Variants in CYTH3 observed in about 807,000 individuals in gnomAD.
CYTH3 encodes the protein cytohesin-3.
CYTH3 carries 23 observed loss-of-function variants against 55.1 expected under a neutral mutation model. That is an observed-to-expected ratio of 0.42 (90% CI 0.30 to 0.59). The LOEUF is 0.59. Among genes scored for constraint, CYTH3 ranks in the 20% least tolerant of loss-of-function variants. CYTH3 has a pLI of 0.20. For missense variants in CYTH3, 413 were observed against 524.8 expected (o/e 0.79, Z 2.08); for synonymous variants, 249 against 194.9 (o/e 1.28, Z -2.31).
intron 1 of CYTH3, among the ~76,000 whole-genome samples, chr7:6,216,517 T>C (rs1031157820): frequency 6.6e-6 from 1 of 151,942 alleles, no homozygotes; most frequent in South Asian, 2.1e-4. Flanking sequence ...GGTGGGTGGA[T>C]TACCTGAGCT....
intron 1 of CYTH3, among the ~76,000 whole-genome samples, chr7:6,205,820 G>A (rs1455371939): frequency 1.5e-5 from 2 of 132,072 alleles, no homozygotes; most frequent in East Asian, 5.1e-4. Context: ...GCTGCAGTGA[G>A]CTATGATCGG....
chr7:6,259,785 A>ATATATAT (rs1780268295), intron 1 of CYTH3, among the ~76,000 whole-genome samples: 1 of 14,454 alleles, frequency 6.9e-5, no homozygotes, highest in Non-Finnish European at 9.1e-5. Context: ...TATATATATA[A>ATATATAT]TATATATATA....
At chr7:6,271,255 C>A (rs901616782) in intron 1 of CYTH3, among the ~76,000 whole-genome samples, 1 of 152,192 alleles carries the variant, frequency 6.6e-6, no homozygotes, top group Non-Finnish European at 1.5e-5. Context: ...TTCCCACCAT[C>A]CTGGCTGCAT....
intron 1 of CYTH3, among the ~76,000 whole-genome samples, chr7:6,250,239 G>C (rs116826442): frequency 6.6e-6 from 1 of 152,140 alleles, no homozygotes; most frequent in Non-Finnish European, 1.5e-5. Context: ...CAGACAACAT[G>C]ATTCTACTCC....
chr7:6,195,323 CTT>C (rs1783898491), intron 1 of CYTH3, among the ~76,000 whole-genome samples: 1 of 152,104 alleles, frequency 6.6e-6, no homozygotes, highest in African/African-American at 2.4e-5. Context: ...TCTTAGTAAA[CTT>C]TTGTCTCAAA....
chr7:6,228,996 G>A (rs2128553152), intron 1 of CYTH3, among the ~76,000 whole-genome samples: 1 of 152,248 alleles, frequency 6.6e-6, no homozygotes, highest in East Asian at 1.9e-4. Context: ...ATACGAACAG[G>A]ATACAGAAAG....
chr7:6,176,956 G>T (rs1783367570), intron 5 of CYTH3, among the ~76,000 whole-genome samples: 1 of 152,234 alleles, frequency 6.6e-6, no homozygotes, highest in Non-Finnish European at 1.5e-5. Flanking sequence ...TGCTTTTCCT[G>T]TATTTGTTGA....
At chr7:6,173,606 T>C in intron 6 of CYTH3, 47 bp downstream of exon 6, 1 of 1,284,974 alleles carries the variant, frequency 7.8e-7, no homozygotes. Context: ...GCAGTGGTCC[T>C]CTGGCCTTCC....
intron 2 of CYTH3, among the ~76,000 whole-genome samples, chr7:6,189,839 A>C (rs1460115338): frequency 1.3e-5 from 2 of 152,066 alleles, no homozygotes; most frequent in East Asian, 1.9e-4. Context: ...GATCAAGACC[A>C]ATCTGCCTAA....
At chr7:6,203,997 G>A (rs1053026302) in intron 1 of CYTH3, among the ~76,000 whole-genome samples, 17 of 151,254 alleles carry the variant, frequency 1.1e-4, no homozygotes, top group African/African-American at 3.4e-4. Flanking sequence ...GATTACAGGC[G>A]TTAGCCACCG....
intron 1 of CYTH3, among the ~76,000 whole-genome samples, chr7:6,266,091 C>T (rs748285020): frequency 1.3e-5 from 2 of 152,162 alleles, no homozygotes; most frequent in Non-Finnish European, 2.9e-5. Flanking sequence ...ATATTTCCCA[C>T]TACCACCCTA....
At chr7:6,259,744 A>ATATATATATAT (rs1562417152) in intron 1 of CYTH3, among the ~76,000 whole-genome samples, 2 of 17,948 alleles carry the variant, frequency 1.1e-4, no homozygotes, top group African/African-American at 5.2e-4. Flanking sequence ...CATATATATA[A>ATATATATATAT]TATATATATA....
At chr7:6,201,313 G>A (rs534145871) in intron 1 of CYTH3, among the ~76,000 whole-genome samples, 1 of 152,320 alleles carries the variant, frequency 6.6e-6, no homozygotes, top group South Asian at 2.1e-4. Context: ...ATGCTGCACT[G>A]AGCTGCAGGG....
rs1782890690 is a variant in CYTH3, at chr7:6,163,218, C to T, written c.*1726G>A. The T allele has an allele frequency of 6.6e-6, 1 of 152,450 alleles. No homozygotes were observed. The highest frequency in any genetic ancestry group is 2.4e-5 in the African/African-American group (1 of 41,468). The allele number at this position is 152,450 out of a possible 1,614,324, so 9.4% of individuals were successfully genotyped here. A position where few individuals can be genotyped will look rare whatever the true frequency, so the allele number is the denominator to read the frequency against. ...CGCAGGGAGGCGAAGGGCCCGCAGCCGCTCGGCCTCCACTTCAAGGCAACT... is the reference window on the plus strand; with the variant it reads ...CGCAGGGAGGCGAAGGGCCCGCAGCTGCTCGGCCTCCACTTCAAGGCAACT... On this transcript the variant is annotated 3_prime_UTR_variant, in exon 13 of 13. Coordinates refer to ENST00000350796, the MANE Select transcript of CYTH3 (RefSeq NM_004227.4).
chr7:6,197,374 G>A (rs1481222576), intron 1 of CYTH3, among the ~76,000 whole-genome samples: 2 of 152,088 alleles, frequency 1.3e-5, no homozygotes, highest in African/African-American at 4.8e-5. Context: ...TCTATACTTC[G>A]AAATACTTTA....
chr7:6,259,048 G>T (rs1780208127), intron 1 of CYTH3, among the ~76,000 whole-genome samples: 1 of 152,192 alleles, frequency 6.6e-6, no homozygotes, highest in African/African-American at 2.4e-5. Context: ...CAAAGAGCAT[G>T]TGTTTCATAC....
chr7:6,242,547 T>C (rs190780508), intron 1 of CYTH3, among the ~76,000 whole-genome samples: 1,592 of 151,246 alleles, frequency 0.011, 96 homozygotes, highest in Admixed American at 0.096. Context: ...CGGCTAATTT[T>C]TGTGTTTTTA....
intron 1 of CYTH3, among the ~76,000 whole-genome samples, chr7:6,216,907 C>T (rs1233060103): frequency 2.7e-5 from 4 of 148,140 alleles, no homozygotes; most frequent in East Asian, 2.0e-4. Context: ...CTAATATAAT[C>T]GATAATGACT....
chr7:6,233,472 C>T (rs1779437288), intron 1 of CYTH3, among the ~76,000 whole-genome samples: 1 of 151,974 alleles, frequency 6.6e-6, no homozygotes, highest in Non-Finnish European at 1.5e-5. Context: ...CTGGCTAACA[C>T]AATGAAACCC....
Sources: allele counts gnomAD v4.1 joint callset (sites outside exome capture counted in the v4.1 genomes callset), GRCh38; gene constraint gnomAD v4.1.1; transcripts MANE v1.5; gene names NCBI Gene and HGNC (gene_info 2026-07-23, HGNC 2026-07-21).